The following MYH11 variants were observed in gnomAD, a reference collection of about 807,000 sequenced individuals.
MYH11 encodes the protein myosin-11.
In MYH11, 80 loss-of-function variants were observed where a neutral mutation model predicts 246.6. The observed-to-expected ratio is 0.32, with a 90% CI of 0.27 to 0.39. The LOEUF (loss-of-function observed/expected upper bound fraction) is 0.39. Among genes scored for constraint, MYH11 ranks in the 10% least tolerant of loss-of-function variants. The pLI is 1.00. For synonymous variants in MYH11, 1,071 were observed against 1,015.5 expected, an observed-to-expected ratio of 1.05 and a Z score of -1.04; for missense variants, 2,158 against 2,546.8, an observed-to-expected ratio of 0.85 and a Z score of 3.29.
In MYH11 at chr16:15,714,972, T is replaced by G. The variant is rs1178911566; in HGVS notation, c.5723A>C (p.Asp1908Ala). Residue 1908 changes from aspartate to alanine, a missense_variant, in exon 40 of 41, where the codon GAT (aspartate) becomes GCT (alanine). Asp to Ala is a moderately radical substitution (Grantham distance 126). Coordinates refer to ENST00000300036, the MANE Select transcript of MYH11 (RefSeq NM_002474.3). ...ANRRKLQREL[D>A]EATESNEAMG... The stretch of plus-strand genomic sequence containing the variant: ...GGCCTCGTTGCTCTCCGTGGCCTCA[T>G]CCAGCTCCCGCTGCAGCTTCCTGCG... 5 of 1,613,984 alleles carry G rather than the reference T, an allele frequency of 3.1e-6. No homozygotes were observed. The Admixed American group carries it at 8.3e-5, about 27-fold the overall frequency.
At chr16:15,766,374 TGTGTGTGTGTGTGTGA>T (rs983068733) in intron 9 of MYH11, among the ~76,000 whole-genome samples, 6 of 145,336 alleles carry the variant, frequency 4.1e-5, no homozygotes, top group Admixed American at 1.4e-4. Flanking sequence ...TGTGTGTGTG[TGTGTGTGTGTGTGTGA>T]GACTGAGTCT....
chr16:15,760,661 G>A lies in MYH11; in HGVS notation c.1130-3C>T, dbSNP rs1232521329. 2 of 1,584,764 alleles carry A rather than the reference G, an allele frequency of 1.3e-6. No homozygotes were observed. The highest frequency in any genetic ancestry group is 1.7e-6 in the Non-Finnish European group (2 of 1,153,294). ...GAGGTGGCAAACTTTCTGAGCAGCT[G>A]GATGGAGAAAAGAAACATCGTGAGT... On this transcript the variant is annotated splice_region_variant and splice_polypyrimidine_tract_variant and intron_variant, in intron 10 of 40. Transcript: ENST00000300036.
rs184598123 is a variant in MYH11 at position 15,760,778 on chromosome 16, C to T, written c.1130-120G>A. On this transcript the variant is annotated intron_variant, in intron 10 of 40. Coordinates refer to ENST00000300036, the MANE Select transcript of MYH11 (RefSeq NM_002474.3). Reference sequence around the variant, plus strand: ...GCGGGTTCTCTTGGGGAAATGGGACCCGCTGACCATGAATATAGCTTGAAG... The same window carrying T: ...GCGGGTTCTCTTGGGGAAATGGGACTCGCTGACCATGAATATAGCTTGAAG... 2,395 of 798,072 alleles carry T rather than the reference C, an allele frequency of 3.0e-3. 7 individuals carry two copies. The highest frequency in any genetic ancestry group is 4.6e-3 in the Admixed American group (266 of 58,372). 49.4% of individuals were successfully genotyped at this position (798,072 alleles called of 1,614,324 possible). A position where few individuals can be genotyped will look rare whatever the true frequency, so the allele number is the denominator to read the frequency against.
At chr16:15,778,887 A>G (rs1375001172) in intron 6 of MYH11, 44 bp from the exon 7 acceptor site, 1 of 1,592,626 alleles carries the variant, frequency 6.3e-7, no homozygotes, top group Non-Finnish European at 8.6e-7. Flanking sequence ...GCCCAACTTC[A>G]GCCGTTAACC....
chr16:15,793,601 GTTTCT>G (rs1567179391), intron 4 of MYH11, among the ~76,000 whole-genome samples: 24 of 142,508 alleles, frequency 1.7e-4, no homozygotes, highest in African/African-American at 5.8e-4. Flanking sequence ...CCAATTTTCA[GTTTCT>G]TTTCTTTTCT....
intron 4 of MYH11, 57 bp downstream of exon 4, chr16:15,798,601 TAC>T: frequency 7.3e-7 from 1 of 1,377,924 alleles, no homozygotes; most frequent in Middle Eastern, 2.1e-4. Flanking sequence ...GGATCTCGAC[TAC>T]AGATTAAAAA....
intron 1 of MYH11, among the ~76,000 whole-genome samples, chr16:15,855,402 C>G (rs1250893782): frequency 6.6e-6 from 1 of 152,180 alleles, no homozygotes; most frequent in Non-Finnish European, 1.5e-5. Flanking sequence ...CCACCAGAAA[C>G]CTGACCCCAA....
At chr16:15,720,377 G>C in intron 33 of MYH11, 65 bp from the exon 34 acceptor site, 1 of 1,560,512 alleles carries the variant, frequency 6.4e-7, no homozygotes, top group South Asian at 1.2e-5. Context: ...GCTCACCTAG[G>C]CAGCACATCA....
intron 8 of MYH11, among the ~76,000 whole-genome samples, chr16:15,773,933 CTT>C (rs932455617): frequency 3.3e-5 from 5 of 152,118 alleles, no homozygotes; most frequent in African/African-American, 1.2e-4. Flanking sequence ...TTATAATTGC[CTT>C]TCTTTCTCCT....
In MYH11 at chr16:15,747,661, C is replaced by T. The variant is rs147897132; in HGVS notation, c.2320G>A (p.Val774Ile). ...GQSKIFFRTGVLAHLEEERDL... is the reference protein window; with the variant it reads ...GQSKIFFRTGILAHLEEERDL... ...CGCTCCTCCTCTAGGTGGGCCAGGACGCCAGTTCGGAAGAAGATTTTGCTC... is the reference window on the plus strand; with the variant it reads ...CGCTCCTCCTCTAGGTGGGCCAGGATGCCAGTTCGGAAGAAGATTTTGCTC... The change falls in exon 19 of 41, where the codon GTC (valine) becomes ATC (isoleucine). Residue 774 changes from valine to isoleucine, a missense_variant. This residue lies in a region of MYH11 where 90 missense variants were observed against 144.2 expected (regional missense o/e 0.62). Transcript: ENST00000300036. 29 of 1,613,966 alleles carry T rather than the reference C, an allele frequency of 1.8e-5. No individual in the cohort carries two copies. The highest frequency in any genetic ancestry group is 1.3e-4 in the East Asian group (6 of 44,878).
At chr16:15,834,385 G>T (rs1328168868) in intron 2 of MYH11, among the ~76,000 whole-genome samples, 2 of 152,000 alleles carry the variant, frequency 1.3e-5, no homozygotes, top group South Asian at 4.2e-4. Context: ...AATCAGCCAG[G>T]CATGGTGGCA....
At chr16:15,816,487 G>A (rs6498578) in intron 3 of MYH11, among the ~76,000 whole-genome samples, 19,306 of 152,020 alleles carry the variant, frequency 0.13, 1,278 homozygotes, top group East Asian at 0.15. Flanking sequence ...TCACAAAGCA[G>A]TGCAAAGCTC....
intron 2 of MYH11, among the ~76,000 whole-genome samples, chr16:15,825,817 G>A (rs533135485): frequency 6.6e-6 from 1 of 151,924 alleles, no homozygotes; most frequent in East Asian, 2.0e-4. Flanking sequence ...TTTTCCCATG[G>A]TTGAGGTCAC....
At chr16:15,839,807 TG>T (rs759487997) in intron 1 of MYH11, among the ~76,000 whole-genome samples, 10 of 151,336 alleles carry the variant, frequency 6.6e-5, no homozygotes, top group Non-Finnish European at 1.3e-4. Flanking sequence ...CCCAGCACTT[TG>T]GGAGGCCAAG....
intron 3 of MYH11, among the ~76,000 whole-genome samples, chr16:15,819,998 G>GCAGTTCTGC (rs2043364868): frequency 1.3e-5 from 2 of 152,032 alleles, no homozygotes; most frequent in Non-Finnish European, 2.9e-5. Flanking sequence ...GGCAGTTCTG[G>GCAGTTCTGC]AAAACAAGGT....
intron 3 of MYH11, among the ~76,000 whole-genome samples, chr16:15,800,578 G>A (rs978557306): frequency 1.5e-4 from 22 of 150,552 alleles, no homozygotes; most frequent in African/African-American, 5.1e-4. Flanking sequence ...AGGACAGAGT[G>A]TATAGGCCGG....
At chr16:15,727,192 G>GGTTTTTTTGTT in intron 27 of MYH11, 138 bp from the exon 28 acceptor site, 1 of 763,680 alleles carries the variant, frequency 1.3e-6, no homozygotes, top group South Asian at 1.5e-5. Flanking sequence ...AGAGATTTGG[G>GGTTTTTTTGTT]GTTTTTTTGT....
chr16:15,780,014 C>T (rs539294870), intron 6 of MYH11, among the ~76,000 whole-genome samples: 1 of 152,318 alleles, frequency 6.6e-6, no homozygotes, highest in Admixed American at 6.5e-5. Flanking sequence ...GACCATATCC[C>T]AGATGGAGCC....
At chr16:15,727,819 A>G (rs2040840760) in intron 27 of MYH11, among the ~76,000 whole-genome samples, 1 of 152,078 alleles carries the variant, frequency 6.6e-6, no homozygotes, top group South Asian at 2.1e-4. Flanking sequence ...ACTAAAATAA[A>G]ACATTAGCTG....
Sources: allele counts gnomAD v4.1 joint callset (sites outside exome capture counted in the v4.1 genomes callset), GRCh38; gene constraint gnomAD v4.1.1; regional missense constraint gnomAD v4.1.1; transcripts MANE v1.5; gene names NCBI Gene and HGNC (gene_info 2026-07-23, HGNC 2026-07-21).